The following SLC45A2 variants were observed in gnomAD, a reference collection of about 807,000 sequenced individuals.
The protein encoded by SLC45A2 is membrane-associated transporter protein.
In SLC45A2, 36 loss-of-function variants were observed where a neutral mutation model predicts 45.5. The observed-to-expected ratio is 0.79, with a 90% CI of 0.61 to 1.04. The LOEUF (loss-of-function observed/expected upper bound fraction) is 1.04. SLC45A2 is among the 50% of genes least tolerant of loss of function. The pLI is 0.00. For missense variants in SLC45A2, 719 were observed against 671.0 expected, an observed-to-expected ratio of 1.07 and a Z score of -0.79; for synonymous variants, 306 against 269.3, an observed-to-expected ratio of 1.14 and a Z score of -1.33.
intron 2 of SLC45A2, among the ~76,000 whole-genome samples, chr5:33,968,763 T>C (rs1233037106): frequency 6.6e-6 from 1 of 152,216 alleles, no homozygotes; most frequent in African/African-American, 2.4e-5. Context: ...CATCTGCCTG[T>C]AATTGCCTGC....
chr5:33,979,211 A>C (rs1050570155), intron 2 of SLC45A2, among the ~76,000 whole-genome samples: 38 of 152,212 alleles, frequency 2.5e-4, no homozygotes, highest in African/African-American at 9.2e-4. Context: ...TACATGTAAG[A>C]TGTACATTGG....
At chr5:33,958,893 T>C (rs773713183) in intron 3 of SLC45A2, among the ~76,000 whole-genome samples, 16 of 152,190 alleles carry the variant, frequency 1.1e-4, no homozygotes, top group Non-Finnish European at 2.4e-4. Flanking sequence ...TATGCGACTC[T>C]TGGAGGGGGA....
chr5:33,949,951 G>A (rs922473638), intron 5 of SLC45A2, among the ~76,000 whole-genome samples: 17 of 152,152 alleles, frequency 1.1e-4, no homozygotes, highest in African/African-American at 3.9e-4. Context: ...ACTGTGGGAG[G>A]CTGAGACAGG....
chr5:33,954,271 A>G (rs945447686), intron 4 of SLC45A2, 90 bp downstream of exon 4: 4 of 1,565,948 alleles, frequency 2.6e-6, no homozygotes, highest in African/African-American at 1.4e-5. Flanking sequence ...TACTGTGCCA[A>G]TCTTAGAGGA....
chr5:33,945,875 G>T (rs1367380670), intron 6 of SLC45A2: 1 of 767,538 alleles, frequency 1.3e-6, no homozygotes, highest in Non-Finnish European at 1.6e-6. Flanking sequence ...ATTTACATTT[G>T]CTTGGTTTTT....
chr5:33,968,196 G>A (rs1752660471), intron 2 of SLC45A2, among the ~76,000 whole-genome samples: 1 of 152,184 alleles, frequency 6.6e-6, no homozygotes, highest in Non-Finnish European at 1.5e-5. Context: ...ATTCATTAAA[G>A]GCCTTTCTTT....
chr5:33,970,566 T>TGTTGGTTGGTTGGTTG (rs3836801), intron 2 of SLC45A2, among the ~76,000 whole-genome samples: 3 of 150,710 alleles, frequency 2.0e-5, no homozygotes, highest in African/African-American at 7.3e-5. Context: ...CTGACTGGCT[T>TGTTGGTTGGTTGGTTG]GTTGGTTGGT....
chr5:33,984,263 G>A lies in SLC45A2; in HGVS notation c.321C>T (p.Leu107=). The part of the protein sequence containing the change: ...SRWGRRRPYI[L]TLGVMMLVGM... The stretch of plus-strand genomic sequence containing the variant: ...CCACGAGCATCATGACTCCCAGGGT[G>A]AGGATGTAGGGTCTCCGGCGGCCCC... Residue 107 remains leucine, a synonymous_variant, in exon 1 of 7, where the codon CTC becomes CTT. Transcript: ENST00000296589. 6.2e-7 allele frequency: 1 copy of A among 1,614,186 alleles called. No homozygotes were observed. Among genetic ancestry groups the A allele is most frequent in the Non-Finnish European group, 8.5e-7 (1 of 1,180,022 alleles).
At chr5:33,946,273 T>C (rs950946992) in intron 6 of SLC45A2, 6 of 985,334 alleles carry the variant, frequency 6.1e-6, no homozygotes, top group Non-Finnish European at 7.2e-6. Flanking sequence ...ACCTCTTTTT[T>C]GAAAGGTTTT....
chr5:33,973,839 C>T (rs1309551959), intron 2 of SLC45A2, among the ~76,000 whole-genome samples: 2 of 48,076 alleles, frequency 4.2e-5, no homozygotes, highest in Non-Finnish European at 1.7e-4. Context: ...TTAGATGGTT[C>T]ATTGTGCTGT....
intron 2 of SLC45A2, among the ~76,000 whole-genome samples, chr5:33,979,814 G>C (rs151108020): frequency 3.5e-4 from 54 of 152,260 alleles, no homozygotes; most frequent in African/African-American, 1.3e-3. Context: ...ATTTACTTTA[G>C]GATGACCTTG....
intron 6 of SLC45A2, among the ~76,000 whole-genome samples, chr5:33,945,276 G>A (rs1751885652): frequency 6.6e-6 from 1 of 152,094 alleles, no homozygotes; most frequent in African/African-American, 2.4e-5. Flanking sequence ...ACAAAAACAA[G>A]TGGCGGGCCA....
intron 2 of SLC45A2, among the ~76,000 whole-genome samples, chr5:33,967,889 A>G (rs1485213384): frequency 6.6e-6 from 1 of 151,552 alleles, no homozygotes; most frequent in Admixed American, 6.6e-5. Context: ...TTCCTTTATT[A>G]ATGTGTTAAT....
chr5:33,964,914 G>C (rs750403344), intron 2 of SLC45A2, among the ~76,000 whole-genome samples: 9 of 152,204 alleles, frequency 5.9e-5, no homozygotes, highest in Non-Finnish European at 8.8e-5. Flanking sequence ...GCAGACATCA[G>C]TGACTTCTGA....
chr5:33,947,734 G>C (rs1255416015), intron 5 of SLC45A2, among the ~76,000 whole-genome samples: 1 of 152,222 alleles, frequency 6.6e-6, no homozygotes, highest in Non-Finnish European at 1.5e-5. Flanking sequence ...TTCTAAATCA[G>C]ATGGGCTGTG....
At chr5:33,971,405 G>A (rs955325488) in intron 2 of SLC45A2, 8 of 457,718 alleles carry the variant, frequency 1.7e-5, no homozygotes, top group Admixed American at 7.9e-5. Context: ...TGGCACACAA[G>A]CTATTGCTGG....
chr5:33,962,339 A>G (rs1752478330), intron 3 of SLC45A2, among the ~76,000 whole-genome samples: 1 of 152,240 alleles, frequency 6.6e-6, no homozygotes, highest in Admixed American at 6.5e-5. Context: ...AATAATGATT[A>G]TAATGTATTG....
intron 4 of SLC45A2, among the ~76,000 whole-genome samples, chr5:33,953,144 C>T (rs911737290): frequency 1.3e-5 from 2 of 149,212 alleles, no homozygotes; most frequent in African/African-American, 5.0e-5. Flanking sequence ...AATAGTGCCG[C>T]AGTAAACATA....
intron 6 of SLC45A2, chr5:33,946,316 T>C (rs916564337): frequency 4.5e-5 from 44 of 985,360 alleles, no homozygotes; most frequent in Non-Finnish European, 5.3e-5. Context: ...TGCTGCCAGA[T>C]CAAATGATGA....
Sources: allele counts gnomAD v4.1 joint callset (sites outside exome capture counted in the v4.1 genomes callset), GRCh38; gene constraint gnomAD v4.1.1; transcripts MANE v1.5; gene names NCBI Gene and HGNC (gene_info 2026-07-23, HGNC 2026-07-21).